The following TTBK2 variants were observed in gnomAD, a reference collection of about 807,000 sequenced individuals.
TTBK2 encodes tau tubulin kinase 2.
In TTBK2, 28 loss-of-function variants were observed where a neutral mutation model predicts 110.8. The ratio of observed to expected loss-of-function variants is 0.25; its 90% CI spans 0.19 to 0.35. The LOEUF is 0.35. TTBK2 is among the 10% of genes least tolerant of loss of function. The probability of loss-of-function intolerance (pLI) is 1.00; values close to 1 mark genes in which losing one functional copy is unlikely to be tolerated. For missense variants in TTBK2, 1,369 were observed against 1,500.3 expected, an observed-to-expected ratio of 0.91 and a Z score of 1.45; for synonymous variants, 532 against 527.3, an observed-to-expected ratio of 1.01 and a Z score of -0.12.
At chr15:42,798,056 G>T (rs1395573783) in intron 9 of TTBK2, among the ~76,000 whole-genome samples, 1 of 151,832 alleles carries the variant, frequency 6.6e-6, no homozygotes, top group Non-Finnish European at 1.5e-5. Flanking sequence ...GCTAATTTTT[G>T]TATCTTTAGT....
intron 9 of TTBK2, chr15:42,801,678 G>A: frequency 1.1e-6 from 1 of 893,442 alleles, no homozygotes. Flanking sequence ...TCCATGAACA[G>A]CACCACAGAT....
At chr15:42,894,291 T>C (rs1895582442) in intron 1 of TTBK2, among the ~76,000 whole-genome samples, 2 of 152,168 alleles carry the variant, frequency 1.3e-5, no homozygotes, top group African/African-American at 4.8e-5. Flanking sequence ...AAGTCTTTAT[T>C]AGCAGTGTGA....
intron 9 of TTBK2, among the ~76,000 whole-genome samples, chr15:42,799,877 T>C (rs1453977507): frequency 1.3e-5 from 2 of 152,120 alleles, no homozygotes; most frequent in African/African-American, 4.8e-5. Context: ...TTATTCAAGA[T>C]ACAAAGTAAT....
At chr15:42,750,203 A>C (rs1366901896) in intron 14 of TTBK2, among the ~76,000 whole-genome samples, 1 of 152,196 alleles carries the variant, frequency 6.6e-6, no homozygotes, top group Admixed American at 6.5e-5. Context: ...AAAAAATAAA[A>C]AAACTTACAC....
chr15:42,812,699 C>T (rs1352221143), intron 7 of TTBK2, among the ~76,000 whole-genome samples: 1 of 151,848 alleles, frequency 6.6e-6, no homozygotes, highest in Non-Finnish European at 1.5e-5. Context: ...TTATAGGATA[C>T]GAAGAGTGTT....
chr15:42,815,958 A>AAAAAAAATATAT (rs71108183), intron 7 of TTBK2, among the ~76,000 whole-genome samples: 28 of 91,694 alleles, frequency 3.1e-4, no homozygotes, highest in African/African-American at 5.6e-4. Context: ...TTAAAAAAAA[A>AAAAAAAATATAT]ATATATATAT....
At chr15:42,856,055 C>CTGGAAAAAAA (rs1477173351) in intron 3 of TTBK2, among the ~76,000 whole-genome samples, 24 of 152,258 alleles carry the variant, frequency 1.6e-4, no homozygotes, top group Admixed American at 4.6e-4. Context: ...CCTGTCCTTC[C>CTGGAAAAAAA]TATACTAACT....
At chr15:42,746,455 T>C (rs1374983029) in intron 14 of TTBK2, among the ~76,000 whole-genome samples, 198 bp from the exon 15 acceptor site, 2 of 152,230 alleles carry the variant, frequency 1.3e-5, no homozygotes, top group African/African-American at 4.8e-5. Flanking sequence ...ATGGGAATAC[T>C]GTCTATCTCA....
intron 10 of TTBK2, among the ~76,000 whole-genome samples, chr15:42,790,985 G>A (rs566920983): frequency 1.3e-3 from 192 of 152,286 alleles, no homozygotes; most frequent in African/African-American, 4.3e-3. Flanking sequence ...CCGTGTTCAC[G>A]CCATTCTCCC....
rs191279300 is a variant in TTBK2 at position 42,801,537 on chromosome 15, C to T, written c.823-6736G>A. 4.2e-4 allele frequency: 325 copies of T among 766,598 alleles called. 1 individual carries two copies. In the African/African-American group the frequency reaches 4.9e-3, roughly 12 times the overall value. 47.5% of individuals were successfully genotyped at this position (766,598 alleles called of 1,614,324 possible). ...CACAGGTCATCCCCATGCTTCTGAC[C>T]CAGCGTCTGCAGCTCCTTATACTTG... is the stretch of plus-strand genomic sequence containing the variant. On this transcript the variant is annotated intron_variant, in intron 9 of 14. Transcript: ENST00000267890.
At position 42,745,910 on chromosome 15, in the gene TTBK2, T is replaced by C. The variant is rs1555418358; in HGVS notation, c.3620A>G (p.Glu1207Gly). 10 of 1,614,110 alleles carry C rather than the reference T, an allele frequency of 6.2e-6. No homozygotes were observed. Among genetic ancestry groups the C allele is most frequent in the Non-Finnish European group, 8.5e-6 (10 of 1,180,028 alleles). The change falls in exon 15 of 15, where the codon GAG (glutamate) becomes GGG (glycine). Residue 1207 changes from glutamate (E) to glycine (G), a missense_variant. By Grantham distance (98) the Glu-to-Gly change is moderately conservative (BLOSUM62 -2). This residue lies in a region of TTBK2 where 1,097 missense variants were observed against 1,114.7 expected (regional missense o/e 0.98). Transcript: ENST00000267890. ...GCCATTCTTGCTGGGTTTGCAATGCTCCTGTTGGCAGGACCTCCTGGAGGA... is the reference window on the plus strand; with the variant it reads ...GCCATTCTTGCTGGGTTTGCAATGCCCCTGTTGGCAGGACCTCCTGGAGGA... ...SSSSRRSCQQ[E>G]HCKPSKNGLK... is the part of the protein sequence containing the mutation.
intron 3 of TTBK2, among the ~76,000 whole-genome samples, chr15:42,842,312 G>T (rs768324866): frequency 6.6e-6 from 1 of 152,124 alleles, no homozygotes; most frequent in South Asian, 2.1e-4. Context: ...CAAGGGAGAA[G>T]AACACTTTAT....
chr15:42,804,498 C>G (rs1891373008), intron 9 of TTBK2, among the ~76,000 whole-genome samples: 1 of 151,820 alleles, frequency 6.6e-6, no homozygotes, highest in African/African-American at 2.4e-5. Flanking sequence ...TCCACCATTT[C>G]ACAGACTAGA....
chr15:42,854,439 A>G (rs959423954), intron 3 of TTBK2, among the ~76,000 whole-genome samples: 1 of 152,214 alleles, frequency 6.6e-6, no homozygotes, highest in Non-Finnish European at 1.5e-5. Context: ...AACAACATGT[A>G]ACGTAATTCA....
chr15:42,872,512 C>A (rs1300575240), intron 3 of TTBK2, 99 bp downstream of exon 3: 2 of 1,414,460 alleles, frequency 1.4e-6, no homozygotes, highest in Non-Finnish European at 9.8e-7. Context: ...CCAGTACATT[C>A]AATTAGTACT....
At chr15:42,799,929 T>C (rs1416838426) in intron 9 of TTBK2, among the ~76,000 whole-genome samples, 1 of 152,032 alleles carries the variant, frequency 6.6e-6, no homozygotes, top group African/African-American at 2.4e-5. Context: ...AAACCCTATC[T>C]CTACCAAAAA....
chr15:42,841,343 G>A (rs1379573978), intron 3 of TTBK2, among the ~76,000 whole-genome samples: 1 of 152,096 alleles, frequency 6.6e-6, no homozygotes, highest in Non-Finnish European at 1.5e-5. Context: ...CCGAGTAGCT[G>A]GGACTAGAGG....
chr15:42,761,432 G>A (rs1309025934), intron 13 of TTBK2, among the ~76,000 whole-genome samples: 1 of 152,052 alleles, frequency 6.6e-6, no homozygotes, highest in Admixed American at 6.6e-5. Flanking sequence ...TCATCTAATG[G>A]GATGATAGCA....
intron 13 of TTBK2, among the ~76,000 whole-genome samples, chr15:42,771,318 T>TA (rs202054997): frequency 3.3e-5 from 5 of 151,358 alleles, no homozygotes; most frequent in Admixed American, 1.3e-4. Context: ...ATTACCATGC[T>TA]AAAAAAAAAT....
Sources: allele counts gnomAD v4.1 joint callset (sites outside exome capture counted in the v4.1 genomes callset), GRCh38; gene constraint gnomAD v4.1.1; regional missense constraint gnomAD v4.1.1; transcripts MANE v1.5; gene names NCBI Gene and HGNC (gene_info 2026-07-23, HGNC 2026-07-21).